The following SLC25A21 variants were observed in gnomAD, a reference collection of about 807,000 sequenced individuals.
SLC25A21 encodes mitochondrial 2-oxodicarboxylate carrier.
SLC25A21 carries 47 observed loss-of-function variants against 43.8 expected under a neutral mutation model. The observed-to-expected ratio is 1.07, with a 90% CI of 0.85 to 1.37. The LOEUF (loss-of-function observed/expected upper bound fraction) is 1.37. Among genes scored for constraint, SLC25A21 ranks in the 40% most tolerant of loss-of-function variants. The pLI, the probability that SLC25A21 is intolerant of heterozygous loss-of-function variation, is 0.00. For synonymous variants in SLC25A21, 131 were observed against 121.3 expected (o/e 1.08, Z -0.52); for missense variants, 352 against 350.2 (o/e 1.00, Z -0.04).
In SLC25A21 at chr14:37,063,597, G is replaced by A. The variant is rs891581335; in HGVS notation, c.70+108684C>T. 3.3e-5 allele frequency among the ~76,000 whole-genome samples: 5 copies of A among 152,164 alleles called. No homozygotes were observed. In the East Asian group the frequency reaches 9.7e-4, roughly 29 times the overall value. ...AACTGAGGTGCATGTTGTGGAGGGA[G>A]GGTAAGGAGTAATAGTTACCGTGGA... On this transcript the variant is annotated intron_variant, in intron 1 of 9. Transcript: ENST00000331299.
At chr14:37,042,046 C>T (rs951045828) in intron 1 of SLC25A21, among the ~76,000 whole-genome samples, 5 of 152,132 alleles carry the variant, frequency 3.3e-5, no homozygotes, top group South Asian at 2.1e-4. Context: ...AAGTGCTTCC[C>T]GTGTAAGTTT....
chr14:36,922,390 G>C (rs1892005893), intron 1 of SLC25A21, among the ~76,000 whole-genome samples: 1 of 152,016 alleles, frequency 6.6e-6, no homozygotes, highest in South Asian at 2.1e-4. Context: ...AACAGGAAGG[G>C]ACAACCCAAC....
intron 3 of SLC25A21, among the ~76,000 whole-genome samples, chr14:36,784,703 G>T (rs374602974): frequency 2.6e-5 from 4 of 152,150 alleles, no homozygotes; most frequent in African/African-American, 9.7e-5. Context: ...AAACTGGATT[G>T]GTTAGGCTTT....
intron 1 of SLC25A21, among the ~76,000 whole-genome samples, chr14:36,917,469 A>G (rs1891861542): frequency 6.6e-6 from 1 of 152,086 alleles, no homozygotes; most frequent in African/African-American, 2.4e-5. Context: ...AATTTTGTAT[A>G]TATCTGTGCC....
At chr14:36,967,247 A>G (rs1959638292) in intron 1 of SLC25A21, among the ~76,000 whole-genome samples, 3 of 152,158 alleles carry the variant, frequency 2.0e-5, no homozygotes, top group Admixed American at 6.5e-5. Flanking sequence ...CCTCGCCTTC[A>G]TATTTGTGGT....
chr14:36,776,066 T>G (rs1320379117), intron 3 of SLC25A21, among the ~76,000 whole-genome samples: 1 of 151,938 alleles, frequency 6.6e-6, no homozygotes, highest in African/African-American at 2.4e-5. Context: ...CTTTCTCATT[T>G]AATCTCTCCC....
At chr14:36,714,647 G>A (rs927999909) in intron 6 of SLC25A21, among the ~76,000 whole-genome samples, 6 of 152,202 alleles carry the variant, frequency 3.9e-5, no homozygotes, top group Non-Finnish European at 5.9e-5. Flanking sequence ...ATTTGTATAC[G>A]TGATCAGGTA....
chr14:36,950,863 G>C (rs1892792929), intron 1 of SLC25A21, among the ~76,000 whole-genome samples: 1 of 152,206 alleles, frequency 6.6e-6, no homozygotes, highest in East Asian at 1.9e-4. Flanking sequence ...CCTAGCTGAA[G>C]AAATGAGCCA....
intron 1 of SLC25A21, among the ~76,000 whole-genome samples, chr14:37,091,701 C>T (rs934341021): frequency 6.6e-6 from 1 of 152,158 alleles, no homozygotes; most frequent in Non-Finnish European, 1.5e-5. Flanking sequence ...TTGGGGGTTA[C>T]AAACAAATTT....
chr14:36,871,270 A>T (rs848037), intron 2 of SLC25A21, among the ~76,000 whole-genome samples: 50,580 of 151,892 alleles, frequency 0.33, 9,084 homozygotes, highest in East Asian at 0.43. Flanking sequence ...TTGCTCTTTC[A>T]CCATGTGAGG....
chr14:36,959,576 T>C lies in SLC25A21; in HGVS notation c.71-84572A>G, dbSNP rs892432519. The stretch of plus-strand genomic sequence containing the variant: ...CAAAGAAATGGGGAAGAAAGGGCAC[T>C]GGTCTCATGTCACTAAGGGGTCTGA... On this transcript the variant is annotated intron_variant, in intron 1 of 9. Transcript: ENST00000331299. Among the ~76,000 whole-genome samples, 3 of 152,242 alleles carry C rather than the reference T, an allele frequency of 2.0e-5. 1 individual carries two copies. The highest frequency in any genetic ancestry group is 4.4e-5 in the Non-Finnish European group (3 of 68,016).
intron 1 of SLC25A21, among the ~76,000 whole-genome samples, chr14:37,102,455 T>G (rs1040130410): frequency 3.4e-5 from 5 of 149,124 alleles, no homozygotes; most frequent in Non-Finnish European, 7.5e-5. Flanking sequence ...AAAAAAAAAG[T>G]AACAAATGTT....
chr14:37,035,322 C>T (rs1193975727), intron 1 of SLC25A21, among the ~76,000 whole-genome samples: 1 of 152,208 alleles, frequency 6.6e-6, no homozygotes, highest in African/African-American at 2.4e-5. Flanking sequence ...GCCGAAAACA[C>T]TGGAACACAT....
At chr14:37,016,318 G>GT (rs1960854458) in intron 1 of SLC25A21, among the ~76,000 whole-genome samples, 1 of 152,108 alleles carries the variant, frequency 6.6e-6, no homozygotes, top group African/African-American at 2.4e-5. Flanking sequence ...CCCATTGCTT[G>GT]TTTTTCTCAG....
At chr14:36,876,482 T>A (rs548469459) in intron 1 of SLC25A21, among the ~76,000 whole-genome samples, 1 of 152,132 alleles carries the variant, frequency 6.6e-6, no homozygotes, top group Non-Finnish European at 1.5e-5. Context: ...CAGGCTCAGG[T>A]GAGCAGAGGC....
chr14:36,820,350 A>C (rs979521267), intron 2 of SLC25A21, among the ~76,000 whole-genome samples: 33 of 152,274 alleles, frequency 2.2e-4, no homozygotes, highest in African/African-American at 7.5e-4. Context: ...AGGAGATAAG[A>C]AGGTTTGTTT....
chr14:36,883,936 A>T (rs1427263262), intron 1 of SLC25A21, among the ~76,000 whole-genome samples: 1 of 152,214 alleles, frequency 6.6e-6, no homozygotes, highest in Non-Finnish European at 1.5e-5. Context: ...GATTGAGTCA[A>T]GCTAATGAAC....
chr14:36,926,607 C>T (rs1034921514), intron 1 of SLC25A21, among the ~76,000 whole-genome samples: 4 of 152,124 alleles, frequency 2.6e-5, no homozygotes, highest in Non-Finnish European at 4.4e-5. Context: ...GGTGATGAAA[C>T]TCACTAAAAT....
chr14:36,862,527 C>T (rs1244614514), intron 2 of SLC25A21, among the ~76,000 whole-genome samples: 1 of 152,158 alleles, frequency 6.6e-6, no homozygotes, highest in African/African-American at 2.4e-5. Context: ...CCAAACAGTG[C>T]ATGTTCTCAC....
Sources: allele counts gnomAD v4.1 joint callset (sites outside exome capture counted in the v4.1 genomes callset), GRCh38; gene constraint gnomAD v4.1.1; transcripts MANE v1.5; gene names NCBI Gene and HGNC (gene_info 2026-07-23, HGNC 2026-07-21).